Variants in EIF3L observed in about 807,000 individuals in gnomAD.
The protein encoded by EIF3L is eIEF associated protein HSPC021.
In EIF3L, 32 loss-of-function variants were observed where a neutral mutation model predicts 74.6. That is an observed-to-expected ratio of 0.43 (90% confidence interval 0.32 to 0.58). The LOEUF (loss-of-function observed/expected upper bound fraction) is 0.58. EIF3L is among the 20% of genes least tolerant of loss of function. The pLI is 0.06. For missense variants in EIF3L, 474 were observed against 707.8 expected, an observed-to-expected ratio of 0.67 and a Z score of 3.75; for synonymous variants, 256 against 254.4, an observed-to-expected ratio of 1.01 and a Z score of -0.06.
intron 11 of EIF3L, 99 bp downstream of exon 11, chr22:37,878,270 C>T (rs1926858981): frequency 6.9e-7 from 1 of 1,454,718 alleles, no homozygotes; most frequent in Non-Finnish European, 9.1e-7. Flanking sequence ...CAAAAAGATT[C>T]CTGGCCTTGT....
At chr22:37,878,344 C>A in intron 11 of EIF3L, 173 bp downstream of exon 11, 1 of 747,460 alleles carries the variant, frequency 1.3e-6, no homozygotes, top group Non-Finnish European at 2.0e-6. Flanking sequence ...TTAGGGGAGG[C>A]TGGGGTGGGA....
chr22:37,873,195 G>A (rs775193135), intron 8 of EIF3L, among the ~76,000 whole-genome samples: 6 of 152,038 alleles, frequency 3.9e-5, no homozygotes, highest in African/African-American at 1.2e-4. Context: ...CACCATGTTG[G>A]GCAGGCTGGG....
chr22:37,857,239 G>A (rs1925566998), intron 4 of EIF3L, among the ~76,000 whole-genome samples: 1 of 151,280 alleles, frequency 6.6e-6, no homozygotes, highest in Non-Finnish European at 1.5e-5. Context: ...GCATGGTGGC[G>A]GGCACCTGTA....
At chr22:37,858,403 T>G (rs1925659309) in intron 4 of EIF3L, among the ~76,000 whole-genome samples, 1 of 151,694 alleles carries the variant, frequency 6.6e-6, no homozygotes, top group Non-Finnish European at 1.5e-5. Context: ...TACTCTTGTG[T>G]GCTGGTTTTT....
chr22:37,877,347 T>C (rs751359592), intron 10 of EIF3L: 22 of 273,318 alleles, frequency 8.0e-5, no homozygotes, highest in Admixed American at 1.4e-4. Context: ...TCTGTCGTCA[T>C]CAAGGTTGCA....
rs994599430 is a variant in EIF3L, at chr22:37,857,821, A to G, written c.374-858A>G. 6.6e-5 allele frequency among the ~76,000 whole-genome samples: 10 copies of G among 152,230 alleles called. No homozygotes were observed. In the South Asian group the frequency reaches 8.3e-4, roughly 13 times the overall value. Reference sequence around the variant, plus strand: ...AGTGCTGGGATTACAGGCATGAGCCACTGCACCTGGCCTGAACATTTACTC... The same window carrying G: ...AGTGCTGGGATTACAGGCATGAGCCGCTGCACCTGGCCTGAACATTTACTC... On this transcript the variant is annotated intron_variant, in intron 4 of 12. Transcript: ENST00000652021.
chr22:37,859,804 G>A (rs1925757264), intron 5 of EIF3L, among the ~76,000 whole-genome samples: 1 of 152,082 alleles, frequency 6.6e-6, no homozygotes, highest in Non-Finnish European at 1.5e-5. Context: ...AGGAATTTGA[G>A]ACCAGCCTGG....
chr22:37,876,415 C>T (rs1648225293), intron 10 of EIF3L: 1 of 154,362 alleles, frequency 6.5e-6, no homozygotes, highest in Non-Finnish European at 1.4e-5. Context: ...ATTCTCCAGC[C>T]TTAGCCTCCT....
chr22:37,864,117 A>G (rs1926016442), intron 7 of EIF3L, among the ~76,000 whole-genome samples: 1 of 151,974 alleles, frequency 6.6e-6, no homozygotes, highest in South Asian at 2.1e-4. Flanking sequence ...GCTAGAGTGC[A>G]GTGATAATAG....
intron 11 of EIF3L, chr22:37,881,018 G>A (rs1418993208): frequency 6.6e-6 from 1 of 152,184 alleles, no homozygotes; most frequent in Admixed American, 6.5e-5. Context: ...CGTTTGGATG[G>A]TTTGTATATT....
chr22:37,854,690 C>T (rs1372486239), intron 3 of EIF3L, among the ~76,000 whole-genome samples: 1 of 152,190 alleles, frequency 6.6e-6, no homozygotes, highest in Admixed American at 6.5e-5. Context: ...TGGTCTGGAA[C>T]TCCTAACCTC....
chr22:37,851,065 C>T (rs1925186153), intron 2 of EIF3L, among the ~76,000 whole-genome samples: 1 of 152,040 alleles, frequency 6.6e-6, no homozygotes, highest in African/African-American at 2.4e-5. Flanking sequence ...GGGTGCAAAA[C>T]AGATAATAAG....
At chr22:37,854,335 G>C (rs1297081983) in intron 3 of EIF3L, among the ~76,000 whole-genome samples, 1 of 152,206 alleles carries the variant, frequency 6.6e-6, no homozygotes, top group Non-Finnish European at 1.5e-5. Flanking sequence ...GATAACCTTA[G>C]CAAGGTCAAT....
intron 1 of EIF3L, 197 bp downstream of exon 1, chr22:37,849,679 G>C: frequency 1.6e-6 from 1 of 641,310 alleles, no homozygotes; most frequent in Non-Finnish European, 2.7e-6. Flanking sequence ...TGTTCGATTG[G>C]CTTGTCCTTC....
chr22:37,870,416 A>C, intron 8 of EIF3L, 69 bp downstream of exon 8: 2 of 1,467,582 alleles, frequency 1.4e-6, no homozygotes, highest in African/African-American at 2.8e-5. Flanking sequence ...CCAAATGAAT[A>C]GATCACTGCA....
chr22:37,850,128 C>A (rs1292154156), intron 2 of EIF3L, 65 bp downstream of exon 2: 1 of 1,581,228 alleles, frequency 6.3e-7, no homozygotes, highest in African/African-American at 1.3e-5. Context: ...TGTCTTAGAA[C>A]CAGCTCTGAC....
intron 7 of EIF3L, among the ~76,000 whole-genome samples, chr22:37,864,329 T>A (rs1311114546): frequency 1.3e-5 from 2 of 151,998 alleles, no homozygotes; most frequent in Admixed American, 1.3e-4. Flanking sequence ...TGAGCCACCA[T>A]GCCTAGCCAT....
At chr22:37,885,441 G>A (rs1927268450) in intron 11 of EIF3L, 1 of 151,728 alleles carries the variant, frequency 6.6e-6, no homozygotes, top group African/African-American at 2.4e-5. Context: ...CTTTGGCAAA[G>A]TGCTTCTTTT....
In EIF3L at chr22:37,877,763, G is replaced by A. The variant is rs1377346110; in HGVS notation, c.1167G>A (p.Gln389=). 1.2e-6 allele frequency: 2 copies of A among 1,613,884 alleles called. No individual in the cohort carries two copies. Among genetic ancestry groups the A allele is most frequent in the South Asian group, 2.2e-5 (2 of 91,078 alleles). Residue 389 remains glutamine (Q), a synonymous_variant, in exon 11 of 13, where the codon CAG becomes CAA. Coordinates refer to ENST00000652021, the MANE Select transcript of EIF3L (RefSeq NM_016091.4). ...GTATTGATGAGAGCATTCACCTCCA[G>A]CTGCGGGAGAAATATGGGGACAAGA... is the stretch of plus-strand genomic sequence containing the variant. The part of the protein sequence containing the change: ...PMRIDESIHL[Q]LREKYGDKML...
Sources: allele counts gnomAD v4.1 joint callset (sites outside exome capture counted in the v4.1 genomes callset), GRCh38; gene constraint gnomAD v4.1.1; transcripts MANE v1.5; gene names NCBI Gene and HGNC (gene_info 2026-07-23, HGNC 2026-07-21).